The following ADAMTS17 variants were observed in gnomAD, a reference collection of about 807,000 sequenced individuals.
ADAMTS17 encodes A disintegrin and metalloproteinase with thrombospondin motifs 17.
A neutral mutation model predicts 141.5 loss-of-function variants in ADAMTS17; 113 were observed. That is an observed-to-expected ratio of 0.80 (90% CI 0.69 to 0.93). ADAMTS17 has a LOEUF of 0.93. Ranked by LOEUF, ADAMTS17 falls within the 40% of genes least tolerant of loss-of-function variation. The pLI, the probability that ADAMTS17 is intolerant of heterozygous loss-of-function variation, is 0.00. For synonymous variants in ADAMTS17, 768 were observed against 630.6 expected (o/e 1.22, Z -3.27); for missense variants, 1,659 against 1,517.9 (o/e 1.09, Z -1.54).
intron 3 of ADAMTS17, among the ~76,000 whole-genome samples, chr15:100,323,486 G>T (rs914378506): frequency 1.3e-5 from 2 of 152,170 alleles, no homozygotes; most frequent in African/African-American, 4.8e-5. Context: ...GCCCCTACAG[G>T]TGTGCTTACA....
intron 15 of ADAMTS17, among the ~76,000 whole-genome samples, chr15:100,081,287 C>G (rs2034716943): frequency 6.6e-6 from 1 of 152,224 alleles, no homozygotes; most frequent in African/African-American, 2.4e-5. Context: ...CCTTGCTCCT[C>G]AGCTTGCGGA....
intron 15 of ADAMTS17, among the ~76,000 whole-genome samples, chr15:100,064,814 C>T (rs1426995426): frequency 1.3e-5 from 2 of 152,130 alleles, no homozygotes; most frequent in African/African-American, 2.4e-5. Flanking sequence ...CCTAACATGA[C>T]GGTGAGATTC....
chr15:100,339,721 G>A (rs897519352), intron 2 of ADAMTS17, among the ~76,000 whole-genome samples: 4 of 151,832 alleles, frequency 2.6e-5, no homozygotes, highest in African/African-American at 9.7e-5. Flanking sequence ...CCCTCCAAGG[G>A]TCTATATCAC....
intron 10 of ADAMTS17, among the ~76,000 whole-genome samples, chr15:100,135,761 A>G (rs1464736105): frequency 1.3e-5 from 2 of 152,258 alleles, no homozygotes; most frequent in African/African-American, 4.8e-5. Flanking sequence ...AAAATGGGCA[A>G]AAGTCTTGAA....
At chr15:100,021,927 T>TTC (rs1242052263) in intron 18 of ADAMTS17, among the ~76,000 whole-genome samples, 1 of 152,116 alleles carries the variant, frequency 6.6e-6, no homozygotes, top group East Asian at 1.9e-4. Context: ...GTCCTAGATG[T>TTC]TCTCTCTTCC....
chr15:100,074,797 T>A (rs1381803305), intron 15 of ADAMTS17, among the ~76,000 whole-genome samples: 1 of 152,158 alleles, frequency 6.6e-6, no homozygotes, highest in African/African-American at 2.4e-5. Context: ...GAGGCACGAT[T>A]GGGAAATTTT....
chr15:100,316,506 C>A (rs878100), intron 3 of ADAMTS17, among the ~76,000 whole-genome samples: 54,780 of 151,920 alleles, frequency 0.36, 13,401 homozygotes, highest in African/African-American at 0.7. Flanking sequence ...ACACTCACTC[C>A]CCTTCCGGTG....
chr15:100,306,478 A>T (rs773699421), intron 3 of ADAMTS17: 21 of 455,932 alleles, frequency 4.6e-5, no homozygotes, highest in Non-Finnish European at 4.4e-6. Context: ...CTTGTCTTCA[A>T]GTCATCCACC....
At chr15:100,290,310 A>C (rs1381427521) in intron 3 of ADAMTS17, among the ~76,000 whole-genome samples, 4 of 152,224 alleles carry the variant, frequency 2.6e-5, no homozygotes, top group African/African-American at 4.8e-5. Context: ...AGGACACGCA[A>C]AATCTCTACA....
At chr15:100,295,482 G>A (rs1047577413) in intron 3 of ADAMTS17, among the ~76,000 whole-genome samples, 2 of 152,076 alleles carry the variant, frequency 1.3e-5, no homozygotes, top group African/African-American at 4.8e-5. Flanking sequence ...CAGCTCTTGG[G>A]CTATTACAGG....
intron 14 of ADAMTS17, among the ~76,000 whole-genome samples, chr15:100,101,682 G>C (rs2141049062): frequency 6.6e-6 from 1 of 152,348 alleles, no homozygotes; most frequent in African/African-American, 2.4e-5. Context: ...TGTTCAGTAA[G>C]AGCATACAAA....
intron 8 of ADAMTS17, among the ~76,000 whole-genome samples, chr15:100,161,560 A>G (rs1023251842): frequency 1.3e-5 from 2 of 152,238 alleles, no homozygotes; most frequent in South Asian, 4.1e-4. Context: ...ACTTTGCAGT[A>G]ACTGGAATGG....
intron 21 of ADAMTS17, 102 bp from the exon 22 acceptor site, chr15:99,974,664 A>G (rs987049251): frequency 2.1e-6 from 3 of 1,440,900 alleles, no homozygotes; most frequent in Non-Finnish European, 1.9e-6. Flanking sequence ...GGGCTCCCTC[A>G]CCCTCGTGCA....
intron 15 of ADAMTS17, among the ~76,000 whole-genome samples, chr15:100,062,004 G>T (rs924636503): frequency 2.0e-5 from 3 of 152,244 alleles, no homozygotes; most frequent in Admixed American, 6.5e-5. Flanking sequence ...GCAGGAGAGG[G>T]AGTGGGCTCT....
At chr15:100,035,414 C>T (rs1291830854) in intron 18 of ADAMTS17, among the ~76,000 whole-genome samples, 3 of 152,180 alleles carry the variant, frequency 2.0e-5, no homozygotes, top group African/African-American at 7.2e-5. Context: ...CTTACCCTGT[C>T]TGTGTGTGAA....
chr15:99,993,695 G>C lies in ADAMTS17; in HGVS notation c.2797-495C>G, dbSNP rs2060737254. The stretch of plus-strand genomic sequence containing the variant: ...AACTCCTCGATCCAGCCGGGAGAAG[G>C]AGGAGGAGGCGGCAGAAGGAAGGAA... On this transcript the variant is annotated intron_variant, in intron 19 of 21. Coordinates refer to ENST00000268070, the MANE Select transcript of ADAMTS17 (RefSeq NM_139057.4). The surrounding 1 kb of genome is among the most constrained non-coding windows in gnomAD (Gnocchi z 4.3). Among the ~76,000 whole-genome samples the C allele has an allele frequency of 6.6e-6, 1 of 152,220 alleles. No homozygotes were observed. The highest frequency in any genetic ancestry group is 1.5e-5 in the Non-Finnish European group (1 of 68,042).
intron 7 of ADAMTS17, among the ~76,000 whole-genome samples, chr15:100,225,516 CA>C (rs2042269472): frequency 6.6e-6 from 1 of 151,416 alleles, no homozygotes; most frequent in South Asian, 2.1e-4. Context: ...TTACAGCAGT[CA>C]CGGCCTCTGT....
At chr15:99,989,696 G>A (rs1373655304) in intron 20 of ADAMTS17, among the ~76,000 whole-genome samples, 1 of 152,200 alleles carries the variant, frequency 6.6e-6, no homozygotes, top group African/African-American at 2.4e-5. Context: ...GTCTGGATGT[G>A]CTTGGACAGA....
chr15:100,332,716 G>A (rs1444790464), intron 2 of ADAMTS17, among the ~76,000 whole-genome samples: 1 of 152,218 alleles, frequency 6.6e-6, no homozygotes, highest in East Asian at 1.9e-4. Context: ...GCATCACTTA[G>A]CACCTTAGGG....
Sources: gnomAD v4.1 joint callset for allele counts (sites outside exome capture counted in the v4.1 genomes callset) on GRCh38, gnomAD v4.1.1 for gene constraint, Gnocchi (gnomAD v3.1) non-coding constraint, MANE v1.5 for transcripts, NCBI Gene and HGNC (gene_info 2026-07-23, HGNC 2026-07-21) for gene names.